The following SSH2 variants were observed in gnomAD, a reference collection of about 807,000 sequenced individuals.
The protein encoded by SSH2 is slingshot protein phosphatase 2.
In SSH2, 37 loss-of-function variants were observed where a neutral mutation model predicts 135.2. That is an observed-to-expected ratio of 0.27 (90% CI 0.21 to 0.36). The LOEUF is 0.36. Ranked by LOEUF, SSH2 falls within the 10% of genes least tolerant of loss-of-function variation. The pLI, the probability that SSH2 is intolerant of heterozygous loss-of-function variation, is 1.00. For missense variants in SSH2, 1,408 were observed against 1,765.3 expected, an observed-to-expected ratio of 0.80 and a Z score of 3.63; for synonymous variants, 628 against 646.2, an observed-to-expected ratio of 0.97 and a Z score of 0.43.
Position 29,696,208 on chromosome 17 carries a change from C to CACACACACAT in SSH2, c.293-686_293-685insATGTGTGTGT, listed in dbSNP as rs373379041. On this transcript the variant is annotated intron_variant, in intron 4 of 15. Transcript: ENST00000540801. The stretch of plus-strand genomic sequence containing the variant: ...ACACACACACACACACACACACACA[C>CACACACACAT]ATATGTATATACGTATACATATACA... 2.7e-3 allele frequency among the ~76,000 whole-genome samples: 387 copies of CACACACACAT among 140,830 alleles called. 2 individuals carry two copies. The highest frequency in any genetic ancestry group is 0.01 in the South Asian group (46 of 4,416). The allele number at this position is 140,830 out of a possible 152,430, so 92.4% of individuals were successfully genotyped here.
rs28396462 is a variant in SSH2, at chr17:29,920,134, G to A, written c.63+9804C>T. Among the ~76,000 whole-genome samples the A allele has an allele frequency of 6.3e-3, 955 of 152,224 alleles. 7 individuals are homozygous for A. Among genetic ancestry groups the A allele is most frequent in the African/African-American group, 0.021 (887 of 41,542 alleles). ...TTGGTCAGGCTGGTCTCGAACTGCCGACCTTATCTGCCCACCTCAGCCTCC... is the reference window on the plus strand; with the variant it reads ...TTGGTCAGGCTGGTCTCGAACTGCCAACCTTATCTGCCCACCTCAGCCTCC... On this transcript the variant is annotated intron_variant, in intron 1 of 15. Coordinates refer to ENST00000540801, the MANE Select transcript of SSH2 (RefSeq NM_001282129.2).
intron 1 of SSH2, among the ~76,000 whole-genome samples, chr17:29,896,969 G>C (rs2066457323): frequency 6.6e-6 from 1 of 151,828 alleles, no homozygotes; most frequent in South Asian, 2.1e-4. Context: ...TAATGTGATA[G>C]GGTGACAAAA....
intron 1 of SSH2, among the ~76,000 whole-genome samples, chr17:29,927,258 A>G (rs2067084344): frequency 6.6e-6 from 1 of 152,190 alleles, no homozygotes; most frequent in African/African-American, 2.4e-5. Flanking sequence ...AGGTACCTAC[A>G]GTATCATTCC....
At chr17:29,637,141 G>A (rs1024621826) in intron 14 of SSH2, among the ~76,000 whole-genome samples, 4 of 152,056 alleles carry the variant, frequency 2.6e-5, no homozygotes, top group Admixed American at 6.5e-5. Context: ...TCAGAGTCTC[G>A]CTTTGTTGCC....
At chr17:29,769,394 C>T (rs967253927) in intron 3 of SSH2, among the ~76,000 whole-genome samples, 1 of 152,140 alleles carries the variant, frequency 6.6e-6, no homozygotes, top group Non-Finnish European at 1.5e-5. Flanking sequence ...CTAGCAGGTT[C>T]TGACAATAAT....
chr17:29,745,440 G>A (rs567249251), intron 3 of SSH2, among the ~76,000 whole-genome samples: 2 of 152,220 alleles, frequency 1.3e-5, no homozygotes, highest in East Asian at 3.9e-4. Flanking sequence ...GATTACAGGC[G>A]TGAGCCACCG....
chr17:29,911,117 T>A (rs559027096), intron 1 of SSH2, among the ~76,000 whole-genome samples: 1 of 152,314 alleles, frequency 6.6e-6, no homozygotes, highest in African/African-American at 2.4e-5. Flanking sequence ...ACAGTTACCA[T>A]TTATTGAAGG....
chr17:29,812,921 C>T (rs1309696738), intron 2 of SSH2, among the ~76,000 whole-genome samples: 1 of 151,280 alleles, frequency 6.6e-6, no homozygotes, highest in Non-Finnish European at 1.5e-5. Flanking sequence ...AAAAAACCAA[C>T]CATGCCATAT....
At position 29,930,142 on chromosome 17, in the gene SSH2, G is replaced by T; in HGVS notation, c.-142C>A. 1 of 745,460 alleles carries T rather than the reference G, an allele frequency of 1.3e-6. No homozygotes were observed. Among genetic ancestry groups the T allele is most frequent in the Non-Finnish European group, 2.2e-6 (1 of 462,142 alleles). The allele number at this position is 745,460 out of a possible 1,614,324, so 46.2% of individuals were successfully genotyped here. A position where few individuals can be genotyped will look rare whatever the true frequency, so the allele number is the denominator to read the frequency against. On this transcript the variant is annotated 5_prime_UTR_variant, in exon 1 of 16. Coordinates refer to ENST00000540801, the MANE Select transcript of SSH2 (RefSeq NM_001282129.2). The stretch of plus-strand genomic sequence containing the variant: ...GGAGGAGGAGGCCGCGGGAACGGCC[G>T]CAGACTCCGCACCCACCACCAGACT...
chr17:29,790,762 T>C (rs2042050828), intron 3 of SSH2, among the ~76,000 whole-genome samples: 1 of 151,508 alleles, frequency 6.6e-6, no homozygotes, highest in African/African-American at 2.4e-5. Context: ...AGAGTCTTGC[T>C]CTATTGCCCA....
chr17:29,712,717 T>C (rs899858738), intron 3 of SSH2, among the ~76,000 whole-genome samples: 1 of 152,110 alleles, frequency 6.6e-6, no homozygotes, highest in African/African-American at 2.4e-5. Flanking sequence ...GGCAGGAGAA[T>C]TGCTTGAATC....
In SSH2 at chr17:29,631,560, C is replaced by T; in HGVS notation, c.3634G>A (p.Asp1212Asn). 6.2e-7 allele frequency: 1 copy of T among 1,614,162 alleles called. No homozygotes were observed. The highest frequency in any genetic ancestry group is 1.1e-5 in the South Asian group (1 of 91,074). The change falls in exon 16 of 16, where the codon GAC (aspartate) becomes AAC (asparagine). Residue 1212 changes from aspartate to asparagine, a missense_variant. Physicochemically the swap from Asp to Asn is conservative, Grantham distance 23 (BLOSUM62 1). This residue lies in a region of SSH2 where 1,080 missense variants were observed against 1,144.5 expected (regional missense o/e 0.94). Coordinates refer to ENST00000540801, the MANE Select transcript of SSH2 (RefSeq NM_001282129.2). ...PYKDSQLSSA[D>N]LSLISKLGDN... ...CCAAGTTTGCTAATTAAACTTAGGT[C>T]TGCGCTACTTAGCTGGGAGTCCTTA...
At chr17:29,642,824 G>A (rs2036220395) in intron 14 of SSH2, among the ~76,000 whole-genome samples, 2 of 152,144 alleles carry the variant, frequency 1.3e-5, no homozygotes, top group South Asian at 4.1e-4. Context: ...CAGTACAGGA[G>A]CCTGGAGTCA....
chr17:29,653,859 A>C (rs2036680459), intron 12 of SSH2, among the ~76,000 whole-genome samples: 1 of 152,182 alleles, frequency 6.6e-6, no homozygotes, highest in African/African-American at 2.4e-5. Flanking sequence ...AAGTGCTGGG[A>C]TTACAGGCGT....
chr17:29,742,508 A>G (rs1184029743), intron 3 of SSH2, among the ~76,000 whole-genome samples: 8 of 84,164 alleles, frequency 9.5e-5, no homozygotes, highest in African/African-American at 4.8e-4. Context: ...TTTCTTTTCA[A>G]TTTTTTGTGG....
chr17:29,806,535 T>C (rs1345237553), intron 2 of SSH2, among the ~76,000 whole-genome samples: 1 of 152,196 alleles, frequency 6.6e-6, no homozygotes, highest in East Asian at 1.9e-4. Flanking sequence ...AATATGGACA[T>C]AGAGTCTTAT....
At chr17:29,711,797 T>G (rs1361500381) in intron 3 of SSH2, among the ~76,000 whole-genome samples, 1 of 152,194 alleles carries the variant, frequency 6.6e-6, no homozygotes, top group Non-Finnish European at 1.5e-5. Flanking sequence ...TTATTCGTAC[T>G]GCTTTAGATA....
At chr17:29,906,150 G>A (rs2066649749) in intron 1 of SSH2, among the ~76,000 whole-genome samples, 2 of 152,040 alleles carry the variant, frequency 1.3e-5, no homozygotes, top group Admixed American at 1.3e-4. Flanking sequence ...TTCCTGGATG[G>A]ACAAGAACTC....
intron 3 of SSH2, among the ~76,000 whole-genome samples, chr17:29,743,035 G>C (rs1304984774): frequency 6.6e-6 from 1 of 152,080 alleles, no homozygotes; most frequent in African/African-American, 2.4e-5. Context: ...GGGTTCAAGG[G>C]ACTCTCATGC....
Sources: allele counts gnomAD v4.1 joint callset (sites outside exome capture counted in the v4.1 genomes callset), GRCh38; gene constraint gnomAD v4.1.1; regional missense constraint gnomAD v4.1.1; transcripts MANE v1.5; gene names NCBI Gene and HGNC (gene_info 2026-07-23, HGNC 2026-07-21).